The following PGS1 variants were observed in gnomAD, a reference collection of about 807,000 sequenced individuals.
PGS1 encodes the protein CDP-diacylglycerol--glycerol-3-phosphate 3-phosphatidyltransferase, mitochondrial.
Under a neutral mutation model 58.3 loss-of-function variants are expected in PGS1, and 44 were observed. That is an observed-to-expected ratio of 0.75 (90% CI 0.59 to 0.97). The LOEUF (loss-of-function observed/expected upper bound fraction) is 0.97, where lower values mean the gene tolerates loss of function less well. Ranked by LOEUF, PGS1 falls within the 50% of genes least tolerant of loss-of-function variation. The probability of loss-of-function intolerance (pLI) is 0.00; values close to 1 mark genes in which losing one functional copy is unlikely to be tolerated. For synonymous variants in PGS1, 330 were observed against 311.0 expected, an observed-to-expected ratio of 1.06 and a Z score of -0.64; for missense variants, 684 against 731.1, an observed-to-expected ratio of 0.94 and a Z score of 0.74.
chr17:78,403,577 C>G lies in PGS1; in HGVS notation c.890C>G (p.Ala297Gly). The stretch of plus-strand genomic sequence containing the variant: ...TTCACGTCTTCCCCAGGGGACCGGG[C>G]CGAGTACTGCAAGGCAGCCAATAAG... ...GMVHPYKGDRAEYCKAANKRV... is the reference protein window; with the variant it reads ...GMVHPYKGDRGEYCKAANKRV... The change falls in exon 7 of 10, where the codon GCC becomes GGC. Residue 297 changes from alanine (A) to glycine (G), a missense_variant. Physicochemically the swap from Ala to Gly is moderately conservative, Grantham distance 60. Coordinates refer to ENST00000262764, the MANE Select transcript of PGS1 (RefSeq NM_024419.5). The G allele has an allele frequency of 6.2e-7, 1 of 1,610,172 alleles. No homozygotes were observed. Among genetic ancestry groups the G allele is most frequent in the Non-Finnish European group, 8.5e-7 (1 of 1,176,746 alleles).
intron 7 of PGS1, among the ~76,000 whole-genome samples, chr17:78,410,082 G>A (rs923620570): frequency 6.6e-6 from 1 of 151,834 alleles, no homozygotes; most frequent in African/African-American, 2.4e-5. Context: ...CTGTACCCCA[G>A]TGTGGGTGAG....
intron 1 of PGS1, among the ~76,000 whole-genome samples, chr17:78,384,343 G>A (rs1391549458): frequency 1.3e-5 from 2 of 152,198 alleles, no homozygotes; most frequent in Non-Finnish European, 2.9e-5. Context: ...AGGGTTGCAG[G>A]AAGTACGGTA....
chr17:78,421,158 T>C (rs181419019), intron 9 of PGS1: 24 of 152,344 alleles, frequency 1.6e-4, no homozygotes, highest in African/African-American at 5.5e-4. Flanking sequence ...TTTGAATACA[T>C]GTCATGTGTG....
At chr17:78,420,277 C>G in intron 9 of PGS1, 2 of 961,162 alleles carry the variant, frequency 2.1e-6, no homozygotes, top group Non-Finnish European at 1.2e-6. Flanking sequence ...CCAGGAGGGG[C>G]CTGCCGCTTC....
intron 9 of PGS1, among the ~76,000 whole-genome samples, chr17:78,423,119 ATG>A (rs1382714297): frequency 1.3e-5 from 2 of 149,830 alleles, no homozygotes; most frequent in African/African-American, 4.9e-5. Flanking sequence ...AAAAAAAAAA[ATG>A]TTGATCCTGT....
intron 7 of PGS1, among the ~76,000 whole-genome samples, chr17:78,405,472 T>C (rs544943151): frequency 5.3e-5 from 8 of 152,188 alleles, no homozygotes; most frequent in Non-Finnish European, 2.9e-5. Flanking sequence ...GTCTTGCTGG[T>C]GGGGGTGGTA....
intron 4 of PGS1, 154 bp from the exon 5 acceptor site, chr17:78,399,194 C>T: frequency 1.6e-6 from 1 of 627,492 alleles, no homozygotes. Flanking sequence ...AGAGGTTGGC[C>T]TGGAAGTCCT....
chr17:78,405,045 T>A (rs2084007951), intron 7 of PGS1, among the ~76,000 whole-genome samples: 1 of 152,044 alleles, frequency 6.6e-6, no homozygotes, highest in Non-Finnish European at 1.5e-5. Context: ...TTGCCCAGGC[T>A]GGAGTGCAGT....
chr17:78,409,661 T>C (rs577773394), intron 7 of PGS1, among the ~76,000 whole-genome samples: 1 of 152,358 alleles, frequency 6.6e-6, no homozygotes, highest in African/African-American at 2.4e-5. Flanking sequence ...TGAGTGCTTA[T>C]CCTGTAAGGA....
In PGS1 at chr17:78,403,637, G is replaced by T; in HGVS notation, c.950G>T (p.Arg317Leu). The T allele has an allele frequency of 1.2e-6, 2 of 1,614,166 alleles. No homozygotes were observed. The highest frequency in any genetic ancestry group is 1.7e-6 in the Non-Finnish European group (2 of 1,180,038). Residue 317 changes from arginine to leucine, a missense_variant, in exon 7 of 10, where the codon CGC (arginine) becomes CTC (leucine). Physicochemically the swap from Arg to Leu is moderately radical, Grantham distance 102. Coordinates refer to ENST00000262764, the MANE Select transcript of PGS1 (RefSeq NM_024419.5). The part of the protein sequence containing the change: ...VMDVINSART[R>L]QQMLHAQTFH... ...GATGTGATCAACTCAGCCAGGACCC[G>T]CCAGCAGATGCTGCATGCCCAGACC...
chr17:78,422,364 G>GAATC (rs1219014516), intron 9 of PGS1, among the ~76,000 whole-genome samples: 1 of 152,142 alleles, frequency 6.6e-6, no homozygotes, highest in African/African-American at 2.4e-5. Flanking sequence ...AGATTGTTGT[G>GAATC]AATCATTACC....
chr17:78,396,608 C>A (rs1396427433), intron 3 of PGS1, among the ~76,000 whole-genome samples: 1 of 152,214 alleles, frequency 6.6e-6, no homozygotes, highest in African/African-American at 2.4e-5. Context: ...CTGGTCTGGG[C>A]CTTCTAGGCC....
At chr17:78,405,674 A>G (rs996566564) in intron 7 of PGS1, among the ~76,000 whole-genome samples, 1 of 152,194 alleles carries the variant, frequency 6.6e-6, no homozygotes, top group Non-Finnish European at 1.5e-5. Context: ...CAGCGGGACC[A>G]TGACTCCTTT....
chr17:78,394,511 A>G (rs571476200), intron 2 of PGS1, among the ~76,000 whole-genome samples: 150 of 151,032 alleles, frequency 9.9e-4, no homozygotes, highest in African/African-American at 3.4e-3. Context: ...TTTGCTCCTA[A>G]TTGATTTTCT....
At chr17:78,423,579 AGGATTTG>A (rs1448169257) in intron 9 of PGS1, 1 of 318,862 alleles carries the variant, frequency 3.1e-6, no homozygotes, top group African/African-American at 2.1e-5. Context: ...CCGGGAAGTC[AGGATTTG>A]GGATTTACTT....
At chr17:78,413,209 G>A (rs1307089416) in intron 7 of PGS1, among the ~76,000 whole-genome samples, 5 of 152,198 alleles carry the variant, frequency 3.3e-5, no homozygotes, top group African/African-American at 9.7e-5. Context: ...CAGGCGTAGG[G>A]CCTCGTCACC....
chr17:78,391,674 C>G (rs1278843151), intron 1 of PGS1, among the ~76,000 whole-genome samples: 1 of 152,146 alleles, frequency 6.6e-6, no homozygotes, highest in Non-Finnish European at 1.5e-5. Flanking sequence ...GAGGGGGTTT[C>G]ACCATATTGG....
At chr17:78,396,927 C>G (rs2083268411) in intron 3 of PGS1, among the ~76,000 whole-genome samples, 1 of 152,168 alleles carries the variant, frequency 6.6e-6, no homozygotes, top group Non-Finnish European at 1.5e-5. Context: ...CCCATTTGGC[C>G]CGTAAAGCTC....
intron 2 of PGS1, among the ~76,000 whole-genome samples, chr17:78,393,391 C>T (rs1002991204): frequency 6.6e-6 from 1 of 152,154 alleles, no homozygotes; most frequent in African/African-American, 2.4e-5. Flanking sequence ...GCACTGATTC[C>T]TTTTCCTCCA....
Sources: gnomAD v4.1 joint callset for allele counts (sites outside exome capture counted in the v4.1 genomes callset) on GRCh38, gnomAD v4.1.1 for gene constraint, MANE v1.5 for transcripts, NCBI Gene and HGNC (gene_info 2026-07-23, HGNC 2026-07-21) for gene names.